Variants in CD8B2 observed in about 807,000 individuals in gnomAD.
CD8B2 encodes the protein T-cell surface glycoprotein CD8 beta-2 chain.
CD8B2 carries 11 observed loss-of-function variants against 23.7 expected under a neutral mutation model. That is an observed-to-expected ratio of 0.46 (90% confidence interval 0.29 to 0.77). The LOEUF is 0.77. Ranked by LOEUF, CD8B2 falls within the 30% of genes least tolerant of loss-of-function variation. The pLI is 0.09. For synonymous variants in CD8B2, 90 were observed against 109.3 expected (o/e 0.82, Z 1.10); for missense variants, 197 against 270.5 (o/e 0.73, Z 1.91).
chr2:106,500,743 C>T (rs185683580), intron 3 of CD8B2, among the ~76,000 whole-genome samples: 504 of 152,170 alleles, frequency 3.3e-3, no homozygotes, highest in African/African-American at 0.011. Flanking sequence ...CCCTGCTTTG[C>T]CCCTCAGCTA....
chr2:106,501,172 T>G (rs1358206898), intron 3 of CD8B2, among the ~76,000 whole-genome samples: 4 of 152,114 alleles, frequency 2.6e-5, no homozygotes, highest in Non-Finnish European at 4.4e-5. Context: ...ATATACAGGT[T>G]GTTTTCTGCA....
intron 5 of CD8B2, among the ~76,000 whole-genome samples, chr2:106,534,219 T>C (rs1680052234): frequency 6.6e-6 from 1 of 152,144 alleles, no homozygotes; most frequent in African/African-American, 2.4e-5. Context: ...AGGAAAGTCA[T>C]GCAGTCATTG....
chr2:106,543,410 G>A (rs1680207651), intron 5 of CD8B2, among the ~76,000 whole-genome samples: 1 of 152,034 alleles, frequency 6.6e-6, no homozygotes, highest in South Asian at 2.1e-4. Context: ...CCCACCTATG[G>A]TCCCAGCTAC....
chr2:106,511,738 G>A (rs1192548119), downstream of CD8B2, among the ~76,000 whole-genome samples: 3 of 152,150 alleles, frequency 2.0e-5, no homozygotes, highest in Admixed American at 6.5e-5. Context: ...TTCCTCTGTC[G>A]CTTCTTGGGA....
downstream of CD8B2, among the ~76,000 whole-genome samples, chr2:106,513,868 G>A (rs1320967422): frequency 1.3e-5 from 2 of 152,136 alleles, no homozygotes; most frequent in East Asian, 1.9e-4. Flanking sequence ...GGTTGTCCCC[G>A]CCTCTATCTG....
At chr2:106,518,917 C>G (rs1199283454) in intron 5 of CD8B2, among the ~76,000 whole-genome samples, 1 of 151,934 alleles carries the variant, frequency 6.6e-6, no homozygotes, top group Admixed American at 6.6e-5. Flanking sequence ...CTCCTCCATC[C>G]CTCCATCCCT....
chr2:106,511,501 G>A (rs1025728463), downstream of CD8B2, among the ~76,000 whole-genome samples: 75 of 125,570 alleles, frequency 6.0e-4, 2 homozygotes, highest in African/African-American at 2.0e-3. Context: ...AGCCCACCCC[G>A]GCCTGTTCAA....
At chr2:106,523,704 CTT>C (rs1435008111) in intron 5 of CD8B2, among the ~76,000 whole-genome samples, 1 of 152,164 alleles carries the variant, frequency 6.6e-6, no homozygotes, top group Non-Finnish European at 1.5e-5. Flanking sequence ...GGGAAGAAAA[CTT>C]TTTATTCAGG....
chr2:106,504,338 C>G lies in CD8B2; in HGVS notation c.620+13C>G, dbSNP rs1573335864. 6.4e-7 allele frequency: 1 copy of G among 1,555,870 alleles called. No individual in the cohort carries two copies. The highest frequency in any genetic ancestry group is 8.7e-7 in the Non-Finnish European group (1 of 1,149,320). Reference sequence around the variant, plus strand: ...GTTTCATGAAACAGTAAGTGTATAACCTGGGTGTGGCCTTGGGTTCCTCAG... The same window carrying G: ...GTTTCATGAAACAGTAAGTGTATAAGCTGGGTGTGGCCTTGGGTTCCTCAG... On this transcript the variant is annotated intron_variant, in intron 5 of 5. Coordinates refer to ENST00000643224, the MANE Select transcript of CD8B2 (RefSeq NM_001349727.2).
At chr2:106,515,626 A>C (rs1321038127), downstream of CD8B2, among the ~76,000 whole-genome samples, 1 of 152,128 alleles carries the variant, frequency 6.6e-6, no homozygotes, top group Admixed American at 6.5e-5. Context: ...AGCCTCAAGA[A>C]CTGTGAGAAA....
chr2:106,528,398 C>G (rs1289024356), intron 5 of CD8B2, among the ~76,000 whole-genome samples: 1 of 151,946 alleles, frequency 6.6e-6, no homozygotes, highest in African/African-American at 2.4e-5. Flanking sequence ...AGTTGTAACT[C>G]ATACAGTTAG....
At chr2:106,541,822 A>C (rs971554715) in intron 5 of CD8B2, among the ~76,000 whole-genome samples, 1 of 152,170 alleles carries the variant, frequency 6.6e-6, no homozygotes, top group African/African-American at 2.4e-5. Context: ...AGAACCTACC[A>C]ACATATTTCA....
chr2:106,508,428 G>A lies in CD8B2; in HGVS notation c.*1488G>A, dbSNP rs1000366047. 4 of 152,132 alleles carry A rather than the reference G, an allele frequency of 2.6e-5. No homozygotes were observed. Among genetic ancestry groups the A allele is most frequent in the African/African-American group, 4.8e-5 (2 of 41,420 alleles). 9.4% of individuals were successfully genotyped at this position (152,132 alleles called of 1,614,324 possible). ...GGGTGCGGCCGCAGCAGAATGAGGT[G>A]TGGTGGGTGGAGTTAGAAAGGCATA... is the stretch of plus-strand genomic sequence containing the variant. On this transcript the variant is annotated 3_prime_UTR_variant, in exon 6 of 6. Coordinates refer to ENST00000643224, the MANE Select transcript of CD8B2 (RefSeq NM_001349727.2).
chr2:106,532,670 G>A (rs1680005887), intron 5 of CD8B2, among the ~76,000 whole-genome samples: 1 of 152,154 alleles, frequency 6.6e-6, no homozygotes, highest in Non-Finnish European at 1.5e-5. Context: ...TCCATTTTTA[G>A]ACCATATAGG....
intron 5 of CD8B2, chr2:106,521,891 G>C (rs1392764784): frequency 6.6e-6 from 1 of 152,268 alleles, no homozygotes; most frequent in Admixed American, 6.5e-5. Flanking sequence ...GAAAACACTG[G>C]TGTCTGGGCC....
chr2:106,494,476 T>TC (rs763086774), intron 2 of CD8B2, among the ~76,000 whole-genome samples: 188 of 146,054 alleles, frequency 1.3e-3, no homozygotes, highest in African/African-American at 2.5e-3. Context: ...TCTTTTCTTT[T>TC]TTTTTTTCTG....
intron 5 of CD8B2, among the ~76,000 whole-genome samples, chr2:106,532,424 G>A (rs1303016129): frequency 1.3e-5 from 2 of 152,152 alleles, no homozygotes; most frequent in Non-Finnish European, 2.9e-5. Context: ...CCCCAAGAGA[G>A]GACTTTTGGA....
intron 3 of CD8B2, among the ~76,000 whole-genome samples, chr2:106,499,414 C>T (rs531021186): frequency 6.6e-6 from 1 of 151,896 alleles, no homozygotes; most frequent in East Asian, 1.9e-4. Flanking sequence ...CACCTGTAAT[C>T]CCAACGACTT....
chr2:106,492,136 G>A (rs1229835796), intron 2 of CD8B2, among the ~76,000 whole-genome samples: 2 of 151,738 alleles, frequency 1.3e-5, no homozygotes, highest in Non-Finnish European at 2.9e-5. Flanking sequence ...GCCCAGCTCT[G>A]CTTGCAAACT....
Sources: allele counts gnomAD v4.1 joint callset (sites outside exome capture counted in the v4.1 genomes callset), GRCh38; gene constraint gnomAD v4.1.1; transcripts MANE v1.5; gene names NCBI Gene and HGNC (gene_info 2026-07-23, HGNC 2026-07-21).